The following TCF12 variants were observed in gnomAD, a reference collection of about 807,000 sequenced individuals.
The protein encoded by TCF12 is DNA-binding protein HTF4.
Under a neutral mutation model 86.0 loss-of-function variants are expected in TCF12, and 45 were observed. The observed-to-expected ratio is 0.52, with a 90% CI of 0.41 to 0.67. The LOEUF (loss-of-function observed/expected upper bound fraction) is 0.67, where lower values mean the gene tolerates loss of function less well. Ranked by LOEUF, TCF12 falls within the 30% of genes least tolerant of loss-of-function variation. TCF12 has a pLI of 0.00. For missense variants in TCF12, 881 were observed against 859.9 expected (o/e 1.02, Z -0.31); for synonymous variants, 330 against 299.6 (o/e 1.10, Z -1.05).
At chr15:57,114,342 G>A (rs573581039) in intron 5 of TCF12, among the ~76,000 whole-genome samples, 4 of 152,198 alleles carry the variant, frequency 2.6e-5, no homozygotes, top group Non-Finnish European at 5.9e-5. Context: ...GCAGGCTGGA[G>A]TGCAGTGGCA....
intron 3 of TCF12, among the ~76,000 whole-genome samples, chr15:56,925,240 G>GCCCCCTCCCCCCCCC (rs2059953536): frequency 7.3e-6 from 1 of 136,260 alleles, no homozygotes; most frequent in Non-Finnish European, 1.6e-5. Flanking sequence ...GGTGTCCACC[G>GCCCCCTCCCCCCCCC]CCCCCCCACC....
intron 16 of TCF12, among the ~76,000 whole-genome samples, chr15:57,259,679 T>G (rs530694684): frequency 6.6e-6 from 1 of 152,174 alleles, no homozygotes; most frequent in Non-Finnish European, 1.5e-5. Context: ...TAGCAGGCCT[T>G]GGGGTTTGCC....
At chr15:57,214,049 C>T (rs1407371657) in intron 8 of TCF12, 1 of 152,110 alleles carries the variant, frequency 6.6e-6, no homozygotes, top group Admixed American at 6.5e-5. Context: ...GATTCTCTTA[C>T]TGTGTTACTT....
intron 3 of TCF12, among the ~76,000 whole-genome samples, chr15:57,054,515 G>A (rs758348612): frequency 1.3e-5 from 2 of 152,072 alleles, no homozygotes; most frequent in Non-Finnish European, 2.9e-5. Flanking sequence ...GTTCAAGAAG[G>A]GCAGCAACAT....
chr15:57,283,397 TG>T (rs1215401739), intron 20 of TCF12, among the ~76,000 whole-genome samples: 6 of 152,184 alleles, frequency 3.9e-5, no homozygotes, highest in African/African-American at 1.4e-4. Flanking sequence ...GTAGACTAGC[TG>T]GGATTACAGG....
At chr15:57,267,185 A>G (rs1312257762) in intron 18 of TCF12, among the ~76,000 whole-genome samples, 1 of 152,178 alleles carries the variant, frequency 6.6e-6, no homozygotes, top group African/African-American at 2.4e-5. Flanking sequence ...TTATGGTGCA[A>G]TGAGGATGGT....
chr15:57,008,438 C>T (rs2064616064), intron 3 of TCF12, among the ~76,000 whole-genome samples: 1 of 148,430 alleles, frequency 6.7e-6, no homozygotes, highest in African/African-American at 2.5e-5. Context: ...TATAGTGGTG[C>T]AGTTATAGCT....
intron 18 of TCF12, among the ~76,000 whole-genome samples, chr15:57,268,084 A>G (rs781756502): frequency 1.5e-4 from 23 of 152,188 alleles, no homozygotes; most frequent in Non-Finnish European, 2.8e-4. Flanking sequence ...TCATCATCAT[A>G]CTGCCACCAG....
At chr15:56,968,899 G>A (rs2140701492) in intron 3 of TCF12, among the ~76,000 whole-genome samples, 1 of 152,334 alleles carries the variant, frequency 6.6e-6, no homozygotes, top group African/African-American at 2.4e-5. Flanking sequence ...ACAACTTGAG[G>A]TATGGGCTTC....
chr15:57,019,797 C>G (rs893748931), intron 3 of TCF12, among the ~76,000 whole-genome samples: 1 of 152,028 alleles, frequency 6.6e-6, no homozygotes, highest in African/African-American at 2.4e-5. Context: ...CACATGACTC[C>G]CTAGAAGCAA....
intron 6 of TCF12, among the ~76,000 whole-genome samples, chr15:57,188,933 G>A (rs140807430): frequency 2.0e-5 from 3 of 152,246 alleles, no homozygotes; most frequent in South Asian, 2.1e-4. Flanking sequence ...AACTACAGGC[G>A]CACACCATCA....
chr15:57,111,524 C>T (rs1219522254), intron 5 of TCF12, among the ~76,000 whole-genome samples: 2 of 151,806 alleles, frequency 1.3e-5, no homozygotes, highest in Non-Finnish European at 2.9e-5. Flanking sequence ...AGGCCCAACT[C>T]CCATCTCCTC....
intron 5 of TCF12, chr15:57,118,310 T>A (rs1351792508): frequency 1.3e-5 from 2 of 152,222 alleles, no homozygotes; most frequent in Non-Finnish European, 2.9e-5. Flanking sequence ...GCAAATTAAC[T>A]CTTATTTCTG....
At chr15:57,031,159 C>G (rs1193770475) in intron 3 of TCF12, among the ~76,000 whole-genome samples, 1 of 152,170 alleles carries the variant, frequency 6.6e-6, no homozygotes, top group Non-Finnish European at 1.5e-5. Context: ...ATGCTGCTCT[C>G]TCTATATTTT....
chr15:56,994,182 T>A (rs1156429290), intron 3 of TCF12, among the ~76,000 whole-genome samples: 1 of 152,158 alleles, frequency 6.6e-6, no homozygotes, highest in Admixed American at 6.5e-5. Flanking sequence ...TAGAAATTTT[T>A]AAATCTGAAC....
chr15:57,020,367 A>G lies in TCF12; in HGVS notation c.149-43383A>G, dbSNP rs1029641924. 2.0e-5 allele frequency among the ~76,000 whole-genome samples: 3 copies of G among 152,306 alleles called. No homozygotes were observed. In the South Asian group the frequency reaches 6.2e-4, roughly 32 times the overall value. On this transcript the variant is annotated intron_variant, in intron 3 of 20. Transcript: ENST00000333725. ...TCCCTGTGTTTCTATTTCTTAAAGT[A>G]TAGAAGTGGAGAAACAGTATTTTGC...
chr15:57,128,858 C>G (rs957719812), intron 5 of TCF12, among the ~76,000 whole-genome samples: 1 of 152,168 alleles, frequency 6.6e-6, no homozygotes, highest in African/African-American at 2.4e-5. Context: ...GTTACATAAT[C>G]AATATTTCAT....
chr15:57,038,352 C>T (rs1288915783), intron 3 of TCF12, among the ~76,000 whole-genome samples: 3 of 151,010 alleles, frequency 2.0e-5, no homozygotes, highest in African/African-American at 7.3e-5. Context: ...TGCTTGAGCC[C>T]AGGAGTTGGA....
chr15:57,020,373 G>A (rs1351474642), intron 3 of TCF12, among the ~76,000 whole-genome samples: 1 of 152,166 alleles, frequency 6.6e-6, no homozygotes, highest in African/African-American at 2.4e-5. Context: ...AAGTATAGAA[G>A]TGGAGAAACA....
Sources: gnomAD v4.1 joint callset for allele counts (sites outside exome capture counted in the v4.1 genomes callset) on GRCh38, gnomAD v4.1.1 for gene constraint, MANE v1.5 for transcripts, NCBI Gene and HGNC (gene_info 2026-07-23, HGNC 2026-07-21) for gene names.